The following COP1 variants were observed in gnomAD, a reference collection of about 807,000 sequenced individuals.
The protein encoded by COP1 is E3 ubiquitin-protein ligase COP1.
Under a neutral mutation model 101.3 loss-of-function variants are expected in COP1, and 24 were observed. The ratio of observed to expected loss-of-function variants is 0.24; its 90% CI spans 0.17 to 0.33. The LOEUF is 0.33. Among genes scored for constraint, COP1 ranks in the 10% least tolerant of loss-of-function variants. The pLI, the probability that COP1 is intolerant of heterozygous loss-of-function variation, is 1.00. For missense variants in COP1, 663 were observed against 906.2 expected (o/e 0.73, Z 3.45); for synonymous variants, 347 against 341.9 (o/e 1.01, Z -0.17).
At chr1:175,974,099 A>G (rs967337286) in intron 18 of COP1, among the ~76,000 whole-genome samples, 4 of 152,204 alleles carry the variant, frequency 2.6e-5, no homozygotes, top group African/African-American at 9.7e-5. Flanking sequence ...GATTTTAAAC[A>G]GTGAGATAAA....
At chr1:176,078,011 G>A (rs1678375358) in intron 11 of COP1, among the ~76,000 whole-genome samples, 1 of 152,052 alleles carries the variant, frequency 6.6e-6, no homozygotes, top group African/African-American at 2.4e-5. Flanking sequence ...ACAAATAAAT[G>A]GAAAATCCTT....
At chr1:176,126,991 T>C (rs1281777649) in intron 8 of COP1, among the ~76,000 whole-genome samples, 1 of 152,208 alleles carries the variant, frequency 6.6e-6, no homozygotes, top group Non-Finnish European at 1.5e-5. Context: ...ACATATCTTA[T>C]TTTTCCTCCT....
chr1:176,077,693 G>A (rs1678298086), intron 11 of COP1, among the ~76,000 whole-genome samples: 2 of 152,088 alleles, frequency 1.3e-5, no homozygotes, highest in East Asian at 1.9e-4. Flanking sequence ...ATCCAAATAG[G>A]AAAAGATTAA....
At chr1:176,196,496 A>G (rs1699713436) in intron 1 of COP1, among the ~76,000 whole-genome samples, 1 of 152,196 alleles carries the variant, frequency 6.6e-6, no homozygotes, top group Admixed American at 6.5e-5. Flanking sequence ...ATTCAGCAAC[A>G]CGGGTGTAAT....
At chr1:175,972,224 T>C (rs1653388660) in intron 18 of COP1, among the ~76,000 whole-genome samples, 1 of 152,218 alleles carries the variant, frequency 6.6e-6, no homozygotes, top group Admixed American at 6.5e-5. Context: ...TTTTAATTCC[T>C]ATCCCAAGTA....
chr1:176,179,128 T>A (rs1426839888), intron 2 of COP1, among the ~76,000 whole-genome samples: 1 of 151,792 alleles, frequency 6.6e-6, no homozygotes, highest in Non-Finnish European at 1.5e-5. Flanking sequence ...CCATCTCTAC[T>A]AAAAATACAA....
chr1:176,149,099 C>T (rs1350979349), intron 5 of COP1, 25 bp from the exon 6 acceptor site: 3 of 1,464,736 alleles, frequency 2.0e-6, no homozygotes, highest in Non-Finnish European at 2.8e-6. Flanking sequence ...TATAATTTTT[C>T]TTTTAAAAAA....
At chr1:175,983,217 T>C (rs1425745716) in intron 18 of COP1, among the ~76,000 whole-genome samples, 1 of 152,082 alleles carries the variant, frequency 6.6e-6, no homozygotes, top group Non-Finnish European at 1.5e-5. Flanking sequence ...TCTGATATGG[T>C]TTGGGTGTGT....
intron 9 of COP1, among the ~76,000 whole-genome samples, chr1:176,097,101 G>A (rs1281502376): frequency 6.6e-6 from 1 of 152,174 alleles, no homozygotes; most frequent in Admixed American, 6.5e-5. Flanking sequence ...GATGGCTAAA[G>A]TCAGGTAATA....
intron 2 of COP1, among the ~76,000 whole-genome samples, chr1:176,179,067 A>G (rs1299619385): frequency 6.6e-6 from 1 of 151,364 alleles, no homozygotes; most frequent in Admixed American, 6.6e-5. Context: ...CGGTGGGTGG[A>G]TCACTTGAGG....
chr1:176,036,860 T>C (rs1379063059), intron 14 of COP1, among the ~76,000 whole-genome samples: 1 of 152,196 alleles, frequency 6.6e-6, no homozygotes, highest in Non-Finnish European at 1.5e-5. Context: ...ATGATGGACT[T>C]ATTGGGACTG....
intron 11 of COP1, among the ~76,000 whole-genome samples, chr1:176,068,596 TA>T (rs1676433933): frequency 6.6e-6 from 1 of 152,224 alleles, no homozygotes; most frequent in Admixed American, 6.5e-5. Flanking sequence ...TAATTGAGCC[TA>T]TTTCCAGTTA....
chr1:176,148,354 C>T (rs930922190), intron 6 of COP1, among the ~76,000 whole-genome samples: 2 of 150,908 alleles, frequency 1.3e-5, no homozygotes, highest in South Asian at 4.2e-4. Flanking sequence ...TTAGACAATT[C>T]TTAACATAAA....
At chr1:176,128,755 T>C (rs1170894803) in intron 8 of COP1, among the ~76,000 whole-genome samples, 1 of 151,984 alleles carries the variant, frequency 6.6e-6, no homozygotes, top group Non-Finnish European at 1.5e-5. Flanking sequence ...AATTTGATTA[T>C]AAAAACATTT....
intron 11 of COP1, among the ~76,000 whole-genome samples, chr1:176,064,212 C>A (rs1675498412): frequency 1.3e-5 from 2 of 151,938 alleles, no homozygotes; most frequent in African/African-American, 4.8e-5. Context: ...AAAAACAAAC[C>A]CAATGTAAAG....
intron 7 of COP1, among the ~76,000 whole-genome samples, chr1:176,135,587 G>A (rs1353232297): frequency 6.6e-6 from 1 of 151,950 alleles, no homozygotes; most frequent in Non-Finnish European, 1.5e-5. Context: ...TATTAAGATT[G>A]AAATATCAGC....
rs1304985038 is a variant in COP1, at chr1:176,206,713, T to G, written c.266A>C (p.His89Pro). The G allele has an allele frequency of 1.3e-6, 2 of 1,596,478 alleles. No homozygotes were observed. The highest frequency in any genetic ancestry group is 1.7e-6 in the Non-Finnish European group (2 of 1,176,930). Residue 89 changes from histidine to proline, a missense_variant, in exon 1 of 20, where the codon CAC becomes CCC. Around this residue, in one of 4 missense-constraint regions of COP1, gnomAD observed 204 missense variants for 203.6 expected, o/e 1.00. Coordinates refer to ENST00000367669, the MANE Select transcript of COP1 (RefSeq NM_022457.7). Reference sequence around the variant, plus strand: ...GGCGCTGGGCCTGGCCGCGCAGCTGTGCCGGGACAGGCCCGTGGACACCGC... The same window carrying G: ...GGCGCTGGGCCTGGCCGCGCAGCTGGGCCGGGACAGGCCCGTGGACACCGC... ...GGAVSTGLSR[H>P]SCAARPSAGV...
chr1:176,152,155 G>A (rs1315896921), intron 5 of COP1, among the ~76,000 whole-genome samples: 1 of 152,044 alleles, frequency 6.6e-6, no homozygotes, highest in Non-Finnish European at 1.5e-5. Context: ...GCTGGGCATA[G>A]TGGCATGTGC....
intron 8 of COP1, among the ~76,000 whole-genome samples, chr1:176,131,923 A>G (rs1390304325): frequency 6.6e-6 from 1 of 151,840 alleles, no homozygotes; most frequent in African/African-American, 2.4e-5. Context: ...CTGCTAACCC[A>G]TTTAACTCTG....
Sources: allele counts gnomAD v4.1 joint callset (sites outside exome capture counted in the v4.1 genomes callset), GRCh38; gene constraint gnomAD v4.1.1; regional missense constraint gnomAD v4.1.1; transcripts MANE v1.5; gene names NCBI Gene and HGNC (gene_info 2026-07-23, HGNC 2026-07-21).